Variants in MID1 observed in about 807,000 individuals in gnomAD.
MID1 encodes E3 ubiquitin-protein ligase Midline-1.
A neutral mutation model predicts 40.4 loss-of-function variants in MID1; 7 were observed. The observed-to-expected ratio is 0.17, with a 90% CI of 0.10 to 0.33. MID1 has a LOEUF of 0.33. MID1 is among the 10% of genes least tolerant of loss of function. The pLI, the probability that MID1 is intolerant of heterozygous loss-of-function variation, is 1.00. For synonymous variants in MID1, 229 were observed against 221.2 expected (o/e 1.04, Z -0.31); for missense variants, 367 against 558.5 (o/e 0.66, Z 3.46).
chrX:10,724,814 C>G (rs1223233294), intron 1 of MID1, among the ~76,000 whole-genome samples: 1 of 112,258 alleles, frequency 8.9e-6, no homozygotes, highest in Admixed American at 9.4e-5. Flanking sequence ...TGCTCTTTTA[C>G]TCAACATGGA....
intron 3 of MID1, among the ~76,000 whole-genome samples, chrX:10,518,763 T>C (rs1168085646): frequency 8.9e-6 from 1 of 111,914 alleles, no homozygotes; most frequent in Non-Finnish European, 1.9e-5. Flanking sequence ...ATACCAAATT[T>C]ACTCACCCAT....
In MID1 at chrX:10,513,994, A is replaced by G. The variant is rs1045812820; in HGVS notation, c.756+9098T>C. Among the ~76,000 whole-genome samples the G allele has an allele frequency of 2.9e-4, 32 of 112,045 alleles. 1 individual carries two copies. Among genetic ancestry groups the G allele is most frequent in the African/African-American group, 9.7e-4 (30 of 30,822 alleles). On this transcript the variant is annotated intron_variant, in intron 3 of 9. Transcript: ENST00000317552. ...TGTATTGTGTGGAGGGAGGGAGCAC[A>G]ATAAGATATATCAGAAAAAAGCACA...
chrX:10,735,486 G>C (rs900627198), intron 1 of MID1, among the ~76,000 whole-genome samples: 2 of 111,596 alleles, frequency 1.8e-5, no homozygotes, highest in African/African-American at 6.5e-5. Flanking sequence ...TGTTCTTGTT[G>C]TTTGTGTCAT....
At chrX:10,824,504 C>T (rs1231358851) in intron 1 of MID1, among the ~76,000 whole-genome samples, 2 of 111,904 alleles carry the variant, frequency 1.8e-5, no homozygotes, top group Non-Finnish European at 3.8e-5. Flanking sequence ...CCAAAAACAC[C>T]CAGGCTTGCA....
At chrX:10,720,388 G>C (rs1261240290) in intron 1 of MID1, among the ~76,000 whole-genome samples, 73 of 112,046 alleles carry the variant, frequency 6.5e-4, no homozygotes, top group Admixed American at 1.5e-3. Flanking sequence ...AGTGGGCAAA[G>C]AATATGAACA....
At chrX:10,698,712 C>CAA (rs370004396) in intron 1 of MID1, among the ~76,000 whole-genome samples, 47 of 67,480 alleles carry the variant, frequency 7.0e-4, no homozygotes, top group African/African-American at 2.1e-3. Context: ...ACAGCAGATG[C>CAA]AAAAAAAAAG....
At chrX:10,549,101 C>T (rs1933808822) in intron 2 of MID1, among the ~76,000 whole-genome samples, 1 of 111,965 alleles carries the variant, frequency 8.9e-6, no homozygotes, top group Admixed American at 9.5e-5. Context: ...TGGGTTATTA[C>T]TTTAGTAAAA....
intron 1 of MID1, 117 bp downstream of exon 1, chrX:10,620,173 A>C (rs1048198212): frequency 5.3e-5 from 6 of 112,586 alleles, no homozygotes; most frequent in African/African-American, 1.9e-4. Context: ...CTTTCCGCCA[A>C]ACGCATCGAC....
intron 1 of MID1, among the ~76,000 whole-genome samples, chrX:10,573,021 C>G (rs945143123): frequency 8.9e-6 from 1 of 112,482 alleles, no homozygotes; most frequent in Non-Finnish European, 1.9e-5. Context: ...TCTAATCACT[C>G]CCCTAGGCAG....
At chrX:10,662,544 G>T (rs950266561) in intron 1 of MID1, among the ~76,000 whole-genome samples, 2 of 111,411 alleles carry the variant, frequency 1.8e-5, no homozygotes, top group Non-Finnish European at 3.8e-5. Flanking sequence ...GGTGTGTAGG[G>T]AGGATGCGTG....
chrX:10,727,940 T>C (rs1737959124), intron 1 of MID1, among the ~76,000 whole-genome samples: 1 of 112,140 alleles, frequency 8.9e-6, no homozygotes, highest in African/African-American at 3.2e-5. Context: ...ATAAGTGATC[T>C]GCCACCTCAA....
At chrX:10,624,866 A>G, upstream of MID1, among the ~76,000 whole-genome samples, 1 of 111,343 alleles carries the variant, frequency 9.0e-6, no homozygotes, top group Middle Eastern at 4.7e-3. Flanking sequence ...CTCCTGCTTC[A>G]GCCGCCAAAA....
At chrX:10,734,618 C>G (rs2043475499) in intron 1 of MID1, among the ~76,000 whole-genome samples, 1 of 109,489 alleles carries the variant, frequency 9.1e-6, no homozygotes, top group Non-Finnish European at 1.9e-5. Flanking sequence ...ACTATTGCGC[C>G]ATAAAAAGGA....
chrX:10,625,056 A>G (rs2147551369), upstream of MID1, among the ~76,000 whole-genome samples: 1 of 111,976 alleles, frequency 8.9e-6, no homozygotes, highest in African/African-American at 3.2e-5. Flanking sequence ...TTAAAGAGGA[A>G]AATTATTTAA....
intron 2 of MID1, among the ~76,000 whole-genome samples, chrX:10,532,870 C>T (rs1210508491): frequency 1.8e-5 from 2 of 109,754 alleles, no homozygotes; most frequent in African/African-American, 3.3e-5. Context: ...TGGGTTCAAG[C>T]GATTCTCCTG....
chrX:10,560,228 C>A (rs1934280334), intron 2 of MID1, among the ~76,000 whole-genome samples: 1 of 109,942 alleles, frequency 9.1e-6, no homozygotes, highest in Admixed American at 9.8e-5. Context: ...CTAAAGCAAG[C>A]AAAATGACAG....
At chrX:10,681,539 TG>T (rs958046071) in intron 1 of MID1, among the ~76,000 whole-genome samples, 6 of 112,184 alleles carry the variant, frequency 5.3e-5, no homozygotes, top group African/African-American at 1.9e-4. Flanking sequence ...ACATGCTGTC[TG>T]GGTTCCAAGG....
intron 1 of MID1, among the ~76,000 whole-genome samples, chrX:10,638,384 A>C (rs1003142154): frequency 8.9e-6 from 1 of 112,243 alleles, no homozygotes; most frequent in Non-Finnish European, 1.9e-5. Context: ...GGAGGGTCCC[A>C]CACCCACAGA....
At chrX:10,715,626 A>G (rs1429993554) in intron 1 of MID1, among the ~76,000 whole-genome samples, 1 of 112,230 alleles carries the variant, frequency 8.9e-6, no homozygotes, top group Non-Finnish European at 1.9e-5. Context: ...GGGGCAGGGC[A>G]TAGCCAAACA....
Sources: gnomAD v4.1 joint callset for allele counts (sites outside exome capture counted in the v4.1 genomes callset) on GRCh38, gnomAD v4.1.1 for gene constraint, MANE v1.5 for transcripts, NCBI Gene and HGNC (gene_info 2026-07-23, HGNC 2026-07-21) for gene names.